HDAC4: variants seen among roughly 807,000 people sequenced by gnomAD.
HDAC4 encodes the protein histone deacetylase A.
Under a neutral mutation model 135.1 loss-of-function variants are expected in HDAC4, and 16 were observed. The ratio of observed to expected loss-of-function variants is 0.12; its 90% CI spans 0.08 to 0.18. The LOEUF (loss-of-function observed/expected upper bound fraction) is 0.18. HDAC4 is among the 10% of genes least tolerant of loss of function. The pLI, the probability that HDAC4 is intolerant of heterozygous loss-of-function variation, is 1.00. For synonymous variants in HDAC4, 685 were observed against 653.4 expected (o/e 1.05, Z -0.74); for missense variants, 1,143 against 1,511.8 (o/e 0.76, Z 4.05).
intron 24 of HDAC4, among the ~76,000 whole-genome samples, chr2:239,066,153 A>G (rs1182310682): frequency 6.6e-6 from 1 of 152,104 alleles, no homozygotes; most frequent in African/African-American, 2.4e-5. Flanking sequence ...CCCGTGGAAC[A>G]TTCTTTTTCT....
intron 19 of HDAC4, among the ~76,000 whole-genome samples, chr2:239,084,460 C>CGT (rs756956888): frequency 4.1e-5 from 3 of 74,070 alleles, no homozygotes; most frequent in Non-Finnish European, 9.5e-5. Context: ...CACACGCGTG[C>CGT]GCGCGCACAC....
intron 3 of HDAC4, among the ~76,000 whole-genome samples, chr2:239,235,090 G>A (rs12619060): frequency 0.16 from 23,635 of 152,028 alleles, 2,617 homozygotes; most frequent in East Asian, 0.38. Context: ...GCTCCCCACC[G>A]CTCCCCCAGG....
rs539342294 is a variant in HDAC4, at chr2:239,140,889, G to A, written c.866-1093C>T. On this transcript the variant is annotated intron_variant, in intron 8 of 26. Coordinates refer to ENST00000543185, the MANE Select transcript of HDAC4 (RefSeq NM_001378414.1). ...TCATGCTGACTCACGTGGTATCCAC[G>A]CCTGCTGGAGGTGGTGACTCTGCAA... The A allele has an allele frequency of 6.9e-4, 311 of 453,444 alleles. 3 individuals are homozygous for A. In the Middle Eastern group the frequency reaches 0.022, roughly 32 times the overall value. 28.1% of individuals were successfully genotyped at this position (453,444 alleles called of 1,614,324 possible). A position where few individuals can be genotyped will look rare whatever the true frequency, so the allele number is the denominator to read the frequency against.
At chr2:239,242,007 C>T (rs565132060) in intron 2 of HDAC4, among the ~76,000 whole-genome samples, 25 of 150,204 alleles carry the variant, frequency 1.7e-4, no homozygotes, top group African/African-American at 5.2e-4. Context: ...CCTTTTACTC[C>T]GCCACATAAA....
intron 2 of HDAC4, among the ~76,000 whole-genome samples, chr2:239,242,920 A>C (rs1443739545): frequency 6.6e-6 from 1 of 152,204 alleles, no homozygotes; most frequent in East Asian, 1.9e-4. Context: ...ATAACGTAGT[A>C]AACTTTTTTT....
At chr2:239,126,749 G>A (rs2152852648) in intron 11 of HDAC4, 55 bp from the exon 12 acceptor site, 1 of 1,527,602 alleles carries the variant, frequency 6.5e-7, no homozygotes, top group South Asian at 1.1e-5. Context: ...AGAGAGGAGG[G>A]AGAGAGGGCT....
intron 3 of HDAC4, among the ~76,000 whole-genome samples, chr2:239,199,856 T>C (rs575590061): frequency 5.3e-4 from 80 of 152,192 alleles, no homozygotes; most frequent in Admixed American, 6.5e-4. Context: ...GCCTCAGCCT[T>C]CCGAGTAGCT....
At chr2:239,118,924 A>G (rs1487708232) in intron 12 of HDAC4, among the ~76,000 whole-genome samples, 1 of 152,162 alleles carries the variant, frequency 6.6e-6, no homozygotes, top group Non-Finnish European at 1.5e-5. Flanking sequence ...GCACACTGAG[A>G]GCCTGAGAGG....
At chr2:239,295,013 A>T (rs2051777337) in intron 2 of HDAC4, among the ~76,000 whole-genome samples, 1 of 152,170 alleles carries the variant, frequency 6.6e-6, no homozygotes, top group Non-Finnish European at 1.5e-5. Context: ...AATAATGTGA[A>T]AAGATGATTA....
Position 239,105,338 on chromosome 2 carries a change from A to G in HDAC4, c.2113-2442T>C, listed in dbSNP as rs553635734. On this transcript the variant is annotated intron_variant, in intron 15 of 26. Transcript: ENST00000543185. ...AGGACAAACCAAGCTGGGCAAGCAA[A>G]TTGGCCAGGAGCTGTTCTGGCTCCC... Among the ~76,000 whole-genome samples the G allele has an allele frequency of 1.6e-3, 243 of 152,260 alleles. 1 individual carries two copies. The highest frequency in any genetic ancestry group is 2.6e-3 in the Non-Finnish European group (174 of 68,008).
At chr2:239,205,241 A>T (rs1421020196) in intron 3 of HDAC4, among the ~76,000 whole-genome samples, 2 of 152,240 alleles carry the variant, frequency 1.3e-5, no homozygotes, top group Admixed American at 6.5e-5. Context: ...AACTGGTGGG[A>T]GACATGCATC....
chr2:239,082,464 C>A (rs1022507978), intron 20 of HDAC4, among the ~76,000 whole-genome samples: 1 of 152,240 alleles, frequency 6.6e-6, no homozygotes, highest in African/African-American at 2.4e-5. Flanking sequence ...CTGTTTCCCT[C>A]GCCCTTAGCG....
At chr2:239,386,856 G>C (rs1008420082) in intron 1 of HDAC4, among the ~76,000 whole-genome samples, 23 of 152,308 alleles carry the variant, frequency 1.5e-4, no homozygotes, top group Admixed American at 1.4e-3. Context: ...CTGTGCATGA[G>C]AGAGGATTTC....
chr2:239,351,379 G>A (rs978264203), intron 2 of HDAC4, among the ~76,000 whole-genome samples: 3 of 152,060 alleles, frequency 2.0e-5, no homozygotes, highest in Admixed American at 2.0e-4. Flanking sequence ...AAAACACAGG[G>A]CCCTGCCTAT....
In HDAC4 at chr2:239,368,040, A is replaced by T. The variant is rs563194094; in HGVS notation, c.-219-15122T>A. Among the ~76,000 whole-genome samples the T allele has an allele frequency of 3.3e-5, 5 of 152,330 alleles. No homozygotes were observed. The East Asian group carries it at 9.6e-4, about 29-fold the overall frequency. On this transcript the variant is annotated intron_variant, in intron 1 of 26. Transcript: ENST00000543185. ...TAGACTCAGGTCCCATCCCCAAGAT[A>T]TCTCATTATGTATACGCAAATACTT...
At chr2:239,081,949 CT>C (rs1251898177) in intron 21 of HDAC4, among the ~76,000 whole-genome samples, 152 bp downstream of exon 21, 1 of 152,254 alleles carries the variant, frequency 6.6e-6, no homozygotes, top group Non-Finnish European at 1.5e-5. Context: ...ACGATGCAGG[CT>C]GACGTCTGAC....
At chr2:239,140,554 T>C (rs910606552) in intron 8 of HDAC4, among the ~76,000 whole-genome samples, 1 of 152,218 alleles carries the variant, frequency 6.6e-6, no homozygotes, top group African/African-American at 2.4e-5. Flanking sequence ...ATATGTTTAG[T>C]TTAACGGCAT....
intron 2 of HDAC4, among the ~76,000 whole-genome samples, chr2:239,341,601 A>T (rs1313051070): frequency 1.3e-5 from 2 of 152,106 alleles, no homozygotes; most frequent in Admixed American, 1.3e-4. Flanking sequence ...CTTGCCTGAA[A>T]CTCCAACAGC....
chr2:239,162,750 C>A (rs1466171562), intron 6 of HDAC4, among the ~76,000 whole-genome samples: 2 of 152,188 alleles, frequency 1.3e-5, no homozygotes, highest in Non-Finnish European at 2.9e-5. Flanking sequence ...CAGCGGCTGC[C>A]AGAGTGGAGG....
Sources: gnomAD v4.1 joint callset for allele counts (sites outside exome capture counted in the v4.1 genomes callset) on GRCh38, gnomAD v4.1.1 for gene constraint, MANE v1.5 for transcripts, NCBI Gene and HGNC (gene_info 2026-07-23, HGNC 2026-07-21) for gene names.